The following NBEAL1 variants were observed in gnomAD, a reference collection of about 807,000 sequenced individuals.
NBEAL1 encodes the protein neurobeachin-like protein 1.
A neutral mutation model predicts 351.3 loss-of-function variants in NBEAL1; 273 were observed. The observed-to-expected ratio is 0.78, with a 90% confidence interval of 0.70 to 0.86. The LOEUF (loss-of-function observed/expected upper bound fraction) is 0.86. Among genes scored for constraint, NBEAL1 ranks in the 40% least tolerant of loss-of-function variants. NBEAL1 has a pLI of 0.00. For missense variants in NBEAL1, 2,961 were observed against 3,201.3 expected, an observed-to-expected ratio of 0.92 and a Z score of 1.81; for synonymous variants, 1,050 against 1,086.4, an observed-to-expected ratio of 0.97 and a Z score of 0.66.
At chr2:203,194,810 G>A (rs1283776748) in intron 47 of NBEAL1, among the ~76,000 whole-genome samples, 1 of 152,124 alleles carries the variant, frequency 6.6e-6, no homozygotes, top group Non-Finnish European at 1.5e-5. Context: ...TCACTGCAGC[G>A]TGTTTCTCAG....
chr2:203,196,028 G>A (rs1335770752), intron 47 of NBEAL1, among the ~76,000 whole-genome samples: 1 of 152,174 alleles, frequency 6.6e-6, no homozygotes, highest in African/African-American at 2.4e-5. Context: ...TTGCAAGTAG[G>A]CCTTTCTGTA....
intron 54 of NBEAL1, among the ~76,000 whole-genome samples, chr2:203,212,412 G>A (rs111602444): frequency 1.2e-4 from 18 of 151,602 alleles, no homozygotes; most frequent in African/African-American, 4.1e-4. Context: ...TTCAAGACCA[G>A]CCTGGCCAAC....
At chr2:203,044,475 C>G (rs924194703) in intron 3 of NBEAL1, among the ~76,000 whole-genome samples, 8 of 152,102 alleles carry the variant, frequency 5.3e-5, no homozygotes, top group African/African-American at 1.9e-4. Context: ...TTCTAAGGTG[C>G]AGTTGTTATC....
chr2:203,053,168 G>A (rs1447737190), intron 4 of NBEAL1, among the ~76,000 whole-genome samples: 1 of 152,040 alleles, frequency 6.6e-6, no homozygotes, highest in African/African-American at 2.4e-5. Context: ...CTACCAAAAT[G>A]GCTATACCAT....
At chr2:203,179,161 T>G (rs961184196) in intron 42 of NBEAL1, among the ~76,000 whole-genome samples, 4 of 152,222 alleles carry the variant, frequency 2.6e-5, no homozygotes. Flanking sequence ...CATTAAATAC[T>G]TAATAAATCC....
chr2:203,132,651 T>C (rs2063100652), intron 26 of NBEAL1, among the ~76,000 whole-genome samples: 1 of 152,188 alleles, frequency 6.6e-6, no homozygotes, highest in African/African-American at 2.4e-5. Context: ...ACTACAGGCA[T>C]GTTTCACCAT....
In NBEAL1 at chr2:203,074,710, A is replaced by G. The variant is rs188014003; in HGVS notation, c.599-3042A>G. ...TTAGATGATCCCAGTTTTGTAGGCA[A>G]TATTGAAAGCATCATAGTCAGGAGG... On this transcript the variant is annotated intron_variant, in intron 7 of 55. Coordinates refer to ENST00000683969, the MANE Select transcript of NBEAL1 (RefSeq NM_001378026.1). 1.3e-4 allele frequency: 21 copies of G among 160,290 alleles called. No individual in the cohort carries two copies. The East Asian group carries it at 1.5e-3, about 12-fold the overall frequency. The allele number at this position is 160,290 out of a possible 1,614,324, so 9.9% of individuals were successfully genotyped here. A position where few individuals can be genotyped will look rare whatever the true frequency, so the allele number is the denominator to read the frequency against.
chr2:203,130,918 A>G (rs1027824766), intron 25 of NBEAL1, among the ~76,000 whole-genome samples: 5 of 152,238 alleles, frequency 3.3e-5, no homozygotes, highest in Non-Finnish European at 7.3e-5. Flanking sequence ...AACTGAGTCC[A>G]GAGAGATCAG....
chr2:203,147,475 G>T (rs2063541702), intron 33 of NBEAL1, among the ~76,000 whole-genome samples: 1 of 152,018 alleles, frequency 6.6e-6, no homozygotes, highest in African/African-American at 2.4e-5. Flanking sequence ...AGCATCTGCT[G>T]TATATATGCC....
intron 29 of NBEAL1, among the ~76,000 whole-genome samples, chr2:203,137,308 T>C (rs1177825110): frequency 6.6e-6 from 1 of 152,216 alleles, no homozygotes; most frequent in East Asian, 1.9e-4. Context: ...TCAGCTATTG[T>C]TAAAACATAT....
At chr2:203,039,819 G>A (rs2061109193) in intron 2 of NBEAL1, among the ~76,000 whole-genome samples, 1 of 152,188 alleles carries the variant, frequency 6.6e-6, no homozygotes, top group African/African-American at 2.4e-5. Flanking sequence ...CACTGTCTCA[G>A]TACCAGCCAC....
At chr2:203,203,245 G>A (rs965537430) in intron 51 of NBEAL1, among the ~76,000 whole-genome samples, 8 of 151,290 alleles carry the variant, frequency 5.3e-5, no homozygotes, top group East Asian at 3.9e-4. Context: ...GGGTTCAAGC[G>A]ATTCTCCTGC....
chr2:203,079,244 A>AATTTTTGT (rs1013097415), intron 8 of NBEAL1, among the ~76,000 whole-genome samples: 12 of 151,990 alleles, frequency 7.9e-5, no homozygotes, highest in Non-Finnish European at 2.9e-5. Flanking sequence ...ACACTCAGCT[A>AATTTTTGT]ATTTTTGTAT....
At chr2:203,110,445 G>A (rs559043680) in intron 15 of NBEAL1, among the ~76,000 whole-genome samples, 163 bp downstream of exon 15, 1 of 152,102 alleles carries the variant, frequency 6.6e-6, no homozygotes, top group Non-Finnish European at 1.5e-5. Context: ...GCCCAAAGCA[G>A]GCAGATAACT....
rs1272993872 is a variant in NBEAL1, at chr2:203,204,062, G to A, written c.7506+1281G>A. Among the ~76,000 whole-genome samples, 6 of 151,582 alleles carry A rather than the reference G, an allele frequency of 4.0e-5. No individual in the cohort carries two copies. In the East Asian group the frequency reaches 1.2e-3, roughly 29 times the overall value. Reference sequence around the variant, plus strand: ...TCCTGCCTCAGTCTCCTGAGTAGCTGGGACTACAAGCGCGTGCCACCATGC... The same window carrying A: ...TCCTGCCTCAGTCTCCTGAGTAGCTAGGACTACAAGCGCGTGCCACCATGC... On this transcript the variant is annotated intron_variant, in intron 51 of 55. Transcript: ENST00000683969.
intron 10 of NBEAL1, among the ~76,000 whole-genome samples, chr2:203,093,549 C>G (rs901348516): frequency 6.6e-6 from 1 of 152,138 alleles, no homozygotes; most frequent in African/African-American, 2.4e-5. Flanking sequence ...GAGAAGAAAT[C>G]TCTTTGAAGA....
intron 12 of NBEAL1, among the ~76,000 whole-genome samples, chr2:203,101,736 CA>C (rs1322533060): frequency 6.6e-6 from 1 of 152,128 alleles, no homozygotes; most frequent in Non-Finnish European, 1.5e-5. Context: ...GCTGGGATTA[CA>C]GGTGTGCACC....
chr2:203,154,707 A>T (rs998326246), intron 35 of NBEAL1, among the ~76,000 whole-genome samples: 1 of 152,132 alleles, frequency 6.6e-6, no homozygotes, highest in East Asian at 1.9e-4. Context: ...AGAGTGAAAA[A>T]GTAAATATAT....
intron 39 of NBEAL1, 37 bp downstream of exon 39, chr2:203,169,888 C>T (rs1310522568): frequency 8.3e-7 from 1 of 1,208,176 alleles, no homozygotes; most frequent in Admixed American, 2.2e-5. Flanking sequence ...AACTGTTCTG[C>T]TCTTCATTTT....
Sources: gnomAD v4.1 joint callset for allele counts (sites outside exome capture counted in the v4.1 genomes callset) on GRCh38, gnomAD v4.1.1 for gene constraint, MANE v1.5 for transcripts, NCBI Gene and HGNC (gene_info 2026-07-23, HGNC 2026-07-21) for gene names.